GJA10: variants seen among roughly 807,000 people sequenced by gnomAD.
The protein encoded by GJA10 is gap junction protein alpha 10.
For synonymous variants in GJA10, 239 were observed against 233.0 expected (o/e 1.03, Z -0.23); for missense variants, 685 against 651.9 (o/e 1.05, Z -0.55).
rs1161667996 is a variant in GJA10, at chr6:89,895,339, G to A, written c.871G>A (p.Val291Ile). The change falls in exon 1 of 1, where the codon GTC becomes ATC. Residue 291 changes from valine to isoleucine, a missense_variant. By Grantham distance (29) the Val-to-Ile change is conservative. Transcript: ENST00000369352. ...SPLQANNQQQ[V>I]IRVNVPKSKT... ...ACTTCAAGCTAACAATCAACAGCAA[G>A]TCATTCGAGTTAATGTGCCAAAGTC... The A allele has an allele frequency of 1.2e-6, 2 of 1,614,076 alleles. No individual in the cohort carries two copies. Among genetic ancestry groups the A allele is most frequent in the Non-Finnish European group, 1.7e-6 (2 of 1,180,044 alleles).
Position 89,895,262 on chromosome 6 carries a change from C to T in GJA10, c.794C>T (p.Ser265Phe). ...CCTCCATTCCATTTGAAGAAATATT[C>T]TGTGGCCCAGCAGTGTATGATTTGC... ...TGPPFHLKKY[S>F]VAQQCMICSS... Residue 265 changes from serine to phenylalanine, a missense_variant, in exon 1 of 1, where the codon TCT becomes TTT. Physicochemically the swap from Ser to Phe is radical, Grantham distance 155 (BLOSUM62 -2). Transcript: ENST00000369352. The T allele has an allele frequency of 6.2e-7, 1 of 1,614,164 alleles. No homozygotes were observed. The highest frequency in any genetic ancestry group is 8.5e-7 in the Non-Finnish European group (1 of 1,180,048).
chr6:89,895,978 C>T lies in GJA10; in HGVS notation c.1510C>T (p.Pro504Ser). The T allele has an allele frequency of 6.2e-7, 1 of 1,614,056 alleles. No homozygotes were observed. Residue 504 changes from proline (P) to serine (S), a missense_variant, in exon 1 of 1, where the codon CCT becomes TCT. Coordinates refer to ENST00000369352, the MANE Select transcript of GJA10 (RefSeq NM_032602.2). ...ELFHSGCFLFPFFLPGVCMYV... is the reference protein window; with the variant it reads ...ELFHSGCFLFSFFLPGVCMYV... Reference sequence around the variant, plus strand: ...GTTCCATTCTGGATGCTTTCTTTTTCCTTTCTTTCTTCCTGGGGTGTGTAT... The same window carrying T: ...GTTCCATTCTGGATGCTTTCTTTTTTCTTTCTTTCTTCCTGGGGTGTGTAT...
Position 89,894,728 on chromosome 6 carries a change from C to T in GJA10, c.260C>T (p.Ser87Phe). The T allele has an allele frequency of 1.2e-6, 2 of 1,614,204 alleles. No homozygotes were observed. Residue 87 changes from serine (S) to phenylalanine (F), a missense_variant, in exon 1 of 1, where the codon TCT (serine) becomes TTT (phenylalanine). Coordinates refer to ENST00000369352, the MANE Select transcript of GJA10 (RefSeq NM_032602.2). ...GTTTTACAGATCATCTTTGTGTCTT[C>T]TCCTTCTTTGGTCTATATGGGCCAT... is the stretch of plus-strand genomic sequence containing the variant. ...FWVLQIIFVS[S>F]PSLVYMGHAL...
Position 89,895,497 on chromosome 6 carries a change from T to G in GJA10, c.1029T>G (p.Ser343Arg). ...HVHSPCPWAG[S>R]AGNQHLGQQS... ...ACAGCCCGTGTCCCTGGGCTGGCAG[T>G]GCTGGAAATCAGCACCTGGGACAGC... is the stretch of plus-strand genomic sequence containing the variant. The change falls in exon 1 of 1, where the codon AGT becomes AGG. Residue 343 changes from serine to arginine, a missense_variant. Ser to Arg is a moderately radical substitution (Grantham distance 110). Transcript: ENST00000369352. 1 of 1,614,206 alleles carries G rather than the reference T, an allele frequency of 6.2e-7. No homozygotes were observed. Among genetic ancestry groups the G allele is most frequent in the Non-Finnish European group, 8.5e-7 (1 of 1,180,036 alleles).
At position 89,895,243 on chromosome 6, in the gene GJA10, T is replaced by C. The variant is rs1771730757; in HGVS notation, c.775T>C (p.Phe259Leu). Reference sequence around the variant, plus strand: ...CATTGAGGATGAAACAGGCCCTCCATTCCATTTGAAGAAATATTCTGTGGC... The same window carrying C: ...CATTGAGGATGAAACAGGCCCTCCACTCCATTTGAAGAAATATTCTGTGGC... Reference protein sequence around the residue: ...EGIEDETGPPFHLKKYSVAQQ... With the variant: ...EGIEDETGPPLHLKKYSVAQQ... Residue 259 changes from phenylalanine to leucine, a missense_variant, in exon 1 of 1, where the codon TTC becomes CTC. By Grantham distance (22) the Phe-to-Leu change is conservative. Transcript: ENST00000369352. 6.2e-7 allele frequency: 1 copy of C among 1,614,172 alleles called. No homozygotes were observed.
rs1340085452 is a variant in GJA10, at chr6:89,895,536, C to T, written c.1068C>T (p.Ser356=). ...ACCTGGGACAGCAATCAGACCATTCCTCATTTGGCCTGCAGAATACAATGT... is the reference window on the plus strand; with the variant it reads ...ACCTGGGACAGCAATCAGACCATTCTTCATTTGGCCTGCAGAATACAATGT... ...NQHLGQQSDH[S]SFGLQNTMSQ... is the part of the protein sequence containing the mutation. Residue 356 remains serine (S), a synonymous_variant, in exon 1 of 1, where the codon TCC becomes TCT. Transcript: ENST00000369352. The T allele has an allele frequency of 3.7e-6, 6 of 1,614,052 alleles. No homozygotes were observed. The Admixed American group carries it at 1.0e-4, about 27-fold the overall frequency.
rs1240900320 is a variant in GJA10 at position 89,894,977 on chromosome 6, G to A, written c.509G>A (p.Gly170Glu). The A allele has an allele frequency of 1.6e-5, 26 of 1,614,032 alleles. No individual in the cohort carries two copies. Among genetic ancestry groups the A allele is most frequent in the Non-Finnish European group, 2.2e-5 (26 of 1,180,038 alleles). The change falls in exon 1 of 1, where the codon GGA (glycine) becomes GAA (glutamate). Residue 170 changes from glycine to glutamate, a missense_variant. Transcript: ENST00000369352. ...HILTRSVLEV[G>E]FMIGQYILYG... ...TTGACCAGATCTGTGCTGGAAGTAGGATTCATGATAGGCCAATATATTCTC... is the reference window on the plus strand; with the variant it reads ...TTGACCAGATCTGTGCTGGAAGTAGAATTCATGATAGGCCAATATATTCTC...
Position 89,895,809 on chromosome 6 carries a change from AGGAAGCTCTGGTTCTCG to A in GJA10, c.1343_1359del (p.Gly448GlufsTer2). The A allele has an allele frequency of 6.2e-7, 1 of 1,614,224 alleles. No individual in the cohort carries two copies. The highest frequency in any genetic ancestry group is 8.5e-7 in the Non-Finnish European group (1 of 1,180,046). ...AAAAGCGACATCTGCACAGTGACTC[AGGAAGCTCTGGTTCTCG>A]GAATAGCTCCTGCTTGGATTTTCCT... On this transcript the variant is annotated frameshift_variant, in exon 1 of 2. Coordinates refer to the GJA10 transcript ENST00000638915. LOFTEE classifies it high-confidence loss of function.
In GJA10 at chr6:89,895,486, T is replaced by A. The variant is rs368130448; in HGVS notation, c.1018T>A (p.Trp340Arg). The A allele has an allele frequency of 7.4e-5, 120 of 1,614,080 alleles. 1 individual carries two copies. The highest frequency in any genetic ancestry group is 3.3e-4 in the Middle Eastern group (2 of 6,084). ...GQLHVHSPCP[W>R]AGSAGNQHLG... ...GCTCCATGTTCACAGCCCGTGTCCC[T>A]GGGCTGGCAGTGCTGGAAATCAGCA... is the stretch of plus-strand genomic sequence containing the variant. Residue 340 changes from tryptophan (W) to arginine (R), a missense_variant, in exon 1 of 1, where the codon TGG becomes AGG. Transcript: ENST00000369352.
Position 89,894,717 on chromosome 6 carries a change from C to T in GJA10, c.249C>T (p.Ile83=). The T allele has an allele frequency of 6.2e-7, 1 of 1,614,214 alleles. No individual in the cohort carries two copies. The highest frequency in any genetic ancestry group is 8.5e-7 in the Non-Finnish European group (1 of 1,180,046). Residue 83 remains isoleucine, a synonymous_variant, in exon 1 of 1, where the codon ATC becomes ATT. Coordinates refer to ENST00000369352, the MANE Select transcript of GJA10 (RefSeq NM_032602.2). ...SLIRFWVLQI[I]FVSSPSLVYM... is the part of the protein sequence containing the mutation. ...TCAGGTTCTGGGTTTTACAGATCAT[C>T]TTTGTGTCTTCTCCTTCTTTGGTCT... is the stretch of plus-strand genomic sequence containing the variant.
In GJA10 at chr6:89,894,932, G is replaced by T. The variant is rs150298953; in HGVS notation, c.464G>T (p.Arg155Leu). The T allele has an allele frequency of 8.7e-6, 14 of 1,613,998 alleles. No individual in the cohort carries two copies. In the South Asian group the frequency reaches 1.4e-4, roughly 16 times the overall value. ...HKVPLKGCLL[R>L]TYVLHILTRS... ...GTCCCTCTGAAAGGATGTCTGCTGC[G>T]TACTTATGTCTTACACATCTTGACC... The change falls in exon 1 of 1, where the codon CGT becomes CTT. Residue 155 changes from arginine to leucine, a missense_variant. Transcript: ENST00000369352.
rs1307137985 is a variant in GJA10, at chr6:89,895,369, A to G, written c.901A>G (p.Thr301Ala). ...TCGAGTTAATGTGCCAAAGTCTAAAACCATGTGGCAAATCCCACAGCCAAG... is the reference window on the plus strand; with the variant it reads ...TCGAGTTAATGTGCCAAAGTCTAAAGCCATGTGGCAAATCCCACAGCCAAG... ...VIRVNVPKSK[T>A]MWQIPQPRQL... is the part of the protein sequence containing the mutation. The change falls in exon 1 of 1, where the codon ACC becomes GCC. Residue 301 changes from threonine to alanine, a missense_variant. By Grantham distance (58) the Thr-to-Ala change is moderately conservative. Coordinates refer to ENST00000369352, the MANE Select transcript of GJA10 (RefSeq NM_032602.2). The G allele has an allele frequency of 6.2e-7, 1 of 1,614,066 alleles. No individual in the cohort carries two copies. Among genetic ancestry groups the G allele is most frequent in the Non-Finnish European group, 8.5e-7 (1 of 1,180,034 alleles).
Position 89,895,416 on chromosome 6 carries a change from C to T in GJA10, c.948C>T (p.Ser316=), listed in dbSNP as rs1231056237. Residue 316 remains serine, a synonymous_variant, in exon 1 of 1, where the codon TCC becomes TCT. Transcript: ENST00000369352. ...CAAGGCAACTTGAAGTAGACCCTTC[C>T]AATGGGAAAAAGGACTGGTCTGAGA... The part of the protein sequence containing the change: ...PQPRQLEVDP[S]NGKKDWSEKD... 1 of 1,614,198 alleles carries T rather than the reference C, an allele frequency of 6.2e-7. No individual in the cohort carries two copies. The highest frequency in any genetic ancestry group is 1.7e-5 in the Admixed American group (1 of 60,012).
rs752335125 is a variant in GJA10 at position 89,895,379 on chromosome 6, A to G, written c.911A>G (p.Gln304Arg). The G allele has an allele frequency of 3.7e-6, 6 of 1,614,242 alleles. No homozygotes were observed. The highest frequency in any genetic ancestry group is 5.1e-6 in the Non-Finnish European group (6 of 1,180,030). Residue 304 changes from glutamine to arginine, a missense_variant, in exon 1 of 1, where the codon CAA becomes CGA. Coordinates refer to ENST00000369352, the MANE Select transcript of GJA10 (RefSeq NM_032602.2). The stretch of plus-strand genomic sequence containing the variant: ...GTGCCAAAGTCTAAAACCATGTGGC[A>G]AATCCCACAGCCAAGGCAACTTGAA... ...VNVPKSKTMW[Q>R]IPQPRQLEVD...
rs200171429 is a variant in GJA10 at position 89,895,478 on chromosome 6, C to G, written c.1010C>G (p.Pro337Arg). The G allele has an allele frequency of 5.0e-6, 8 of 1,614,164 alleles. No individual in the cohort carries two copies. The African/African-American group carries it at 5.3e-5, about 11-fold the overall frequency. ...QHSGQLHVHS[P>R]CPWAGSAGNQ... ...AGCGGACAGCTCCATGTTCACAGCC[C>G]GTGTCCCTGGGCTGGCAGTGCTGGA... The change falls in exon 1 of 1, where the codon CCG (proline) becomes CGG (arginine). Residue 337 changes from proline (P) to arginine (R), a missense_variant. Coordinates refer to ENST00000369352, the MANE Select transcript of GJA10 (RefSeq NM_032602.2).
chr6:89,895,414 T>C lies in GJA10; in HGVS notation c.946T>C (p.Ser316Pro), dbSNP rs1181018973. The C allele has an allele frequency of 1.9e-6, 3 of 1,614,012 alleles. No homozygotes were observed. Among genetic ancestry groups the C allele is most frequent in the Admixed American group, 3.3e-5 (2 of 60,000 alleles). ...PQPRQLEVDP[S>P]NGKKDWSEKD... ...GCCAAGGCAACTTGAAGTAGACCCT[T>C]CCAATGGGAAAAAGGACTGGTCTGA... is the stretch of plus-strand genomic sequence containing the variant. The change falls in exon 1 of 1, where the codon TCC becomes CCC. Residue 316 changes from serine (S) to proline (P), a missense_variant. Ser to Pro is a moderately conservative substitution (Grantham distance 74). Transcript: ENST00000369352.
chr6:89,895,178 A>G lies in GJA10; in HGVS notation c.710A>G (p.Lys237Arg), dbSNP rs1218872389. The change falls in exon 1 of 1, where the codon AAA becomes AGA. Residue 237 changes from lysine to arginine, a missense_variant. By Grantham distance (26) the Lys-to-Arg change is conservative (BLOSUM62 2). Transcript: ENST00000369352. The part of the protein sequence containing the change: ...ILEIFHLGIR[K>R]IMRTLYKKSS... ...GAAATATTTCATCTAGGCATCAGAA[A>G]AATTATGAGGACACTTTATAAGAAA... 1.2e-6 allele frequency: 2 copies of G among 1,614,142 alleles called. No individual in the cohort carries two copies. The highest frequency in any genetic ancestry group is 1.1e-5 in the South Asian group (1 of 91,074).
chr6:89,895,390 C>G lies in GJA10; in HGVS notation c.922C>G (p.Pro308Ala). The G allele has an allele frequency of 6.2e-7, 1 of 1,614,208 alleles. No individual in the cohort carries two copies. The highest frequency in any genetic ancestry group is 1.1e-5 in the South Asian group (1 of 91,086). Residue 308 changes from proline (P) to alanine (A), a missense_variant, in exon 1 of 1, where the codon CCA (proline) becomes GCA (alanine). Coordinates refer to ENST00000369352, the MANE Select transcript of GJA10 (RefSeq NM_032602.2). The stretch of plus-strand genomic sequence containing the variant: ...TAAAACCATGTGGCAAATCCCACAG[C>G]CAAGGCAACTTGAAGTAGACCCTTC... ...KSKTMWQIPQPRQLEVDPSNG... is the reference protein window; with the variant it reads ...KSKTMWQIPQARQLEVDPSNG...
chr6:89,894,850 C>G lies in GJA10; in HGVS notation c.382C>G (p.Gln128Glu). The change falls in exon 1 of 1, where the codon CAG becomes GAG. Residue 128 changes from glutamine to glutamate, a missense_variant. Transcript: ENST00000369352. Reference protein sequence around the residue: ...MENPDLDLEEQQRIDRELRRL... With the variant: ...MENPDLDLEEEQRIDRELRRL... ...GAATCCAGATCTTGACTTGGAGGAGCAGCAAAGAATAGATAGGGAACTGAG... is the reference window on the plus strand; with the variant it reads ...GAATCCAGATCTTGACTTGGAGGAGGAGCAAAGAATAGATAGGGAACTGAG... 2 of 1,614,132 alleles carry G rather than the reference C, an allele frequency of 1.2e-6. No individual in the cohort carries two copies. Among genetic ancestry groups the G allele is most frequent in the Non-Finnish European group, 1.7e-6 (2 of 1,180,024 alleles).
Sources: allele counts gnomAD v4.1 joint callset, GRCh38; gene constraint gnomAD v4.1.1; transcripts MANE v1.5; gene names NCBI Gene and HGNC (gene_info 2026-07-23, HGNC 2026-07-21).